The following GRID2 variants were observed in gnomAD, a reference collection of about 807,000 sequenced individuals.
GRID2 encodes glutamate ionotropic receptor delta type subunit 2.
Under a neutral mutation model 114.8 loss-of-function variants are expected in GRID2, and 33 were observed. That is an observed-to-expected ratio of 0.29 (90% CI 0.22 to 0.38). The LOEUF is 0.38. Among genes scored for constraint, GRID2 ranks in the 10% least tolerant of loss-of-function variants. GRID2 has a pLI of 1.00. For synonymous variants in GRID2, 505 were observed against 449.9 expected (o/e 1.12, Z -1.55); for missense variants, 1,184 against 1,257.7 (o/e 0.94, Z 0.89).
chr4:92,474,592 A>G (rs1722203361), intron 1 of GRID2, among the ~76,000 whole-genome samples: 1 of 152,098 alleles, frequency 6.6e-6, no homozygotes. Context: ...AGGAATCTCC[A>G]TCCTGTTTTT....
At chr4:92,623,923 C>A (rs1481126001) in intron 2 of GRID2, among the ~76,000 whole-genome samples, 3 of 151,708 alleles carry the variant, frequency 2.0e-5, no homozygotes, top group Non-Finnish European at 4.4e-5. Flanking sequence ...AGTCCCTACA[C>A]CTAACACACA....
At chr4:93,572,094 G>A (rs1735981557) in intron 13 of GRID2, among the ~76,000 whole-genome samples, 1 of 152,140 alleles carries the variant, frequency 6.6e-6, no homozygotes, top group Non-Finnish European at 1.5e-5. Context: ...TTGCTTGAAA[G>A]ATCATCTAAC....
intron 2 of GRID2, among the ~76,000 whole-genome samples, chr4:92,640,740 G>A (rs1048794235): frequency 1.3e-5 from 2 of 151,782 alleles, no homozygotes; most frequent in African/African-American, 2.4e-5. Flanking sequence ...TCTAAGTCCC[G>A]TAATATATAT....
chr4:92,397,592 A>G (rs1400367282), intron 1 of GRID2, among the ~76,000 whole-genome samples: 3 of 152,176 alleles, frequency 2.0e-5, no homozygotes, highest in African/African-American at 4.8e-5. Flanking sequence ...AAATGCTCCT[A>G]TTATAGCATA....
intron 8 of GRID2, among the ~76,000 whole-genome samples, chr4:93,277,462 C>A (rs1404566714): frequency 1.3e-5 from 2 of 151,458 alleles, no homozygotes; most frequent in African/African-American, 4.8e-5. Context: ...TTAAGACTTT[C>A]CATCGTCTTA....
chr4:92,621,904 A>G (rs1464152369), intron 2 of GRID2, among the ~76,000 whole-genome samples: 3 of 151,858 alleles, frequency 2.0e-5, no homozygotes, highest in Non-Finnish European at 4.4e-5. Flanking sequence ...AAGAAAGAGA[A>G]AAAATTCGAA....
chr4:93,265,897 C>T (rs1285558452), intron 8 of GRID2, among the ~76,000 whole-genome samples: 1 of 152,116 alleles, frequency 6.6e-6, no homozygotes, highest in Non-Finnish European at 1.5e-5. Context: ...ATTATTATCT[C>T]CTTTAAGAAT....
At chr4:92,534,622 T>A (rs1725516690) in intron 1 of GRID2, among the ~76,000 whole-genome samples, 1 of 152,148 alleles carries the variant, frequency 6.6e-6, no homozygotes, top group South Asian at 2.1e-4. Flanking sequence ...CTAACCCTCT[T>A]TTTCTTACTG....
chr4:92,353,549 C>CA (rs1180348632), intron 1 of GRID2, among the ~76,000 whole-genome samples: 1 of 151,970 alleles, frequency 6.6e-6, no homozygotes, highest in East Asian at 1.9e-4. Flanking sequence ...ACTATTTTTG[C>CA]AGAGACCATA....
At chr4:93,525,836 C>T (rs924797540) in intron 13 of GRID2, among the ~76,000 whole-genome samples, 2 of 152,032 alleles carry the variant, frequency 1.3e-5, no homozygotes, top group African/African-American at 2.4e-5. Context: ...AAGGATTTTC[C>T]AGCTTTCTAG....
At chr4:92,313,655 C>G (rs1376095183) in intron 1 of GRID2, among the ~76,000 whole-genome samples, 1 of 151,792 alleles carries the variant, frequency 6.6e-6, no homozygotes, top group African/African-American at 2.4e-5. Flanking sequence ...AGGAGGAAAA[C>G]CAGGAGTACA....
chr4:93,240,527 A>G (rs1424586462), intron 8 of GRID2, among the ~76,000 whole-genome samples: 1 of 150,380 alleles, frequency 6.6e-6, no homozygotes, highest in Non-Finnish European at 1.5e-5. Context: ...GTGTTTTATC[A>G]TTTAATTTTT....
At chr4:92,767,916 C>CAA (rs750712850) in intron 2 of GRID2, among the ~76,000 whole-genome samples, 3 of 112,680 alleles carry the variant, frequency 2.7e-5, no homozygotes, top group Admixed American at 9.4e-5. Flanking sequence ...GCCATCATCT[C>CAA]AAAAAAAAAA....
At chr4:92,304,981 C>T (rs1725300282) in intron 1 of GRID2, among the ~76,000 whole-genome samples, 1 of 152,032 alleles carries the variant, frequency 6.6e-6, no homozygotes, top group Admixed American at 6.6e-5. Flanking sequence ...TGGCTGGATG[C>T]GTGGGGGTCT....
At chr4:92,529,918 G>A (rs1320671869) in intron 1 of GRID2, among the ~76,000 whole-genome samples, 1 of 152,012 alleles carries the variant, frequency 6.6e-6, no homozygotes, top group African/African-American at 2.4e-5. Context: ...GACAAATCCC[G>A]GCTACAATTA....
chr4:93,213,713 C>A (rs535831796), intron 5 of GRID2, among the ~76,000 whole-genome samples: 12 of 152,124 alleles, frequency 7.9e-5, no homozygotes, highest in Non-Finnish European at 1.8e-4. Context: ...TACAAGGATT[C>A]AGAAATGATT....
intron 1 of GRID2, among the ~76,000 whole-genome samples, chr4:92,383,406 T>G (rs1378472697): frequency 1.3e-5 from 2 of 151,864 alleles, no homozygotes; most frequent in African/African-American, 4.8e-5. Flanking sequence ...ACATATAAGC[T>G]CCAAAGGCCT....
At chr4:92,990,211 TG>T (rs1754783746) in intron 2 of GRID2, among the ~76,000 whole-genome samples, 1 of 72,434 alleles carries the variant, frequency 1.4e-5, no homozygotes, top group Non-Finnish European at 3.3e-5. Flanking sequence ...TGTGTGTGTG[TG>T]TGTGTGTGTG....
At chr4:93,600,924 A>C (rs1739612008) in intron 13 of GRID2, among the ~76,000 whole-genome samples, 1 of 152,226 alleles carries the variant, frequency 6.6e-6, no homozygotes, top group Non-Finnish European at 1.5e-5. Flanking sequence ...AGAAGAGTAC[A>C]TGCCATTTGA....
Sources: allele counts gnomAD v4.1 joint callset (sites outside exome capture counted in the v4.1 genomes callset), GRCh38; gene constraint gnomAD v4.1.1; transcripts MANE v1.5; gene names NCBI Gene and HGNC (gene_info 2026-07-23, HGNC 2026-07-21).